AMOT: variants seen among roughly 807,000 people sequenced by gnomAD.
The protein encoded by AMOT is angiomotin.
A neutral mutation model predicts 67.0 loss-of-function variants in AMOT; 11 were observed. The observed-to-expected ratio is 0.16, with a 90% CI of 0.10 to 0.27. The LOEUF (loss-of-function observed/expected upper bound fraction) is 0.27. Among genes scored for constraint, AMOT ranks in the 10% least tolerant of loss-of-function variants. The probability of loss-of-function intolerance (pLI) is 1.00; values close to 1 mark genes in which losing one functional copy is unlikely to be tolerated. For missense variants in AMOT, 753 were observed against 852.0 expected (o/e 0.88, Z 1.45); for synonymous variants, 326 against 321.4 (o/e 1.01, Z -0.15).
intron 10 of AMOT, 138 bp from the exon 11 acceptor site, chrX:112,782,800 A>C (rs749916420): frequency 1.4e-5 from 11 of 807,537 alleles, no homozygotes; most frequent in Non-Finnish European, 1.7e-5. Flanking sequence ...GTTTCTGGGG[A>C]ACTAACCCGT....
intron 2 of AMOT, among the ~76,000 whole-genome samples, chrX:112,830,307 T>C (rs1169342810): frequency 3.6e-5 from 4 of 112,358 alleles, no homozygotes; most frequent in Non-Finnish European, 7.5e-5. Flanking sequence ...CATAACATCG[T>C]AATGGCTGCA....
intron 1 of AMOT, among the ~76,000 whole-genome samples, chrX:112,833,531 TA>T (rs11368791): frequency 3.7e-5 from 4 of 107,852 alleles, no homozygotes; most frequent in Admixed American, 1.0e-4. Flanking sequence ...GTTTGCTTTT[TA>T]AAAAAACAAT....
intron 8 of AMOT, 38 bp downstream of exon 8, chrX:112,804,909 C>T (rs41300177): frequency 8.9e-7 from 1 of 1,126,988 alleles, no homozygotes; most frequent in Non-Finnish European, 1.2e-6. Flanking sequence ...CCCAGCCCTC[C>T]CACCCCCAGG....
intron 2 of AMOT, among the ~76,000 whole-genome samples, chrX:112,831,492 AAGAG>A (rs1179972551): frequency 1.0e-5 from 1 of 98,006 alleles, no homozygotes; most frequent in Non-Finnish European, 2.2e-5. Flanking sequence ...AATAAATAAA[AAGAG>A]AGCCCAGTAC....
rs188941564 is a variant in AMOT, at chrX:112,788,099, C to A, written c.2117+2493G>T. Among the ~76,000 whole-genome samples the A allele has an allele frequency of 2.0e-3, 216 of 110,170 alleles. 3 individuals are homozygous for A. Among genetic ancestry groups the A allele is most frequent in the African/African-American group, 6.5e-3 (196 of 30,243 alleles). ...GGTCAGGAGATCAAGACCATCCTGG[C>A]TAACACAATGAAACCCTGTCTCTAC... On this transcript the variant is annotated intron_variant, in intron 10 of 13. Coordinates refer to ENST00000371959, the MANE Select transcript of AMOT (RefSeq NM_001113490.2).
intron 8 of AMOT, among the ~76,000 whole-genome samples, chrX:112,804,741 A>C (rs183001848): frequency 9.0e-6 from 1 of 111,602 alleles, no homozygotes; most frequent in African/African-American, 3.3e-5. Context: ...GTGATTTCCT[A>C]TTTTGGAGCA....
intron 8 of AMOT, among the ~76,000 whole-genome samples, chrX:112,799,247 T>C (rs1008117543): frequency 1.8e-5 from 2 of 112,142 alleles, no homozygotes; most frequent in Non-Finnish European, 3.8e-5. Flanking sequence ...GCAAGGTTCT[T>C]TGGGGATATA....
At position 112,836,522 on chromosome X, in the gene AMOT, A is replaced by G. The variant is rs755498358; in HGVS notation, c.-289+3930T>C. 3.6e-5 allele frequency among the ~76,000 whole-genome samples: 4 copies of G among 111,199 alleles called. No individual in the cohort carries two copies. In the East Asian group the frequency reaches 8.5e-4, roughly 24 times the overall value. On this transcript the variant is annotated intron_variant, in intron 1 of 13. Transcript: ENST00000371959. Reference sequence around the variant, plus strand: ...GGGTGGGCTCTTATTGAAAAGCAACATTGTATATATCTGTGGCTCCAATTA... The same window carrying G: ...GGGTGGGCTCTTATTGAAAAGCAACGTTGTATATATCTGTGGCTCCAATTA...
chrX:112,822,761 T>C lies in AMOT; in HGVS notation c.366A>G (p.Gln122=). 7 of 1,167,421 alleles carry C rather than the reference T, an allele frequency of 6.0e-6. No individual in the cohort carries two copies. Among genetic ancestry groups the C allele is most frequent in the Non-Finnish European group, 8.0e-6 (7 of 873,052 alleles). ...AKVQSQYFRG[Q]QHASVGAAFY... Reference sequence around the variant, plus strand: ...AGGCAGCTCCAACACTGGCATGCTGTTGGCCCCGAAAGTACTGGGACTGGA... The same window carrying C: ...AGGCAGCTCCAACACTGGCATGCTGCTGGCCCCGAAAGTACTGGGACTGGA... Residue 122 remains glutamine, a synonymous_variant, in exon 4 of 14, where the codon CAA becomes CAG. Transcript: ENST00000371959.
intron 4 of AMOT, chrX:112,819,205 T>G (rs906483163): frequency 1.1e-4 from 27 of 242,924 alleles, no homozygotes; most frequent in Non-Finnish European, 1.4e-4. Flanking sequence ...CACACACACA[T>G]GCACACATGT....
At chrX:112,784,537 C>T (rs1419557734) in intron 10 of AMOT, among the ~76,000 whole-genome samples, 1 of 112,032 alleles carries the variant, frequency 8.9e-6, no homozygotes, top group African/African-American at 3.2e-5. Flanking sequence ...CAGTCAGTTA[C>T]GACTGTGTCA....
rs1312355992 is a variant in AMOT, at chrX:112,779,193, A to C, written c.2961T>G (p.Val987=). 2.6e-6 allele frequency: 2 copies of C among 778,679 alleles called. No individual in the cohort carries two copies. Among genetic ancestry groups the C allele is most frequent in the Non-Finnish European group, 4.0e-6 (2 of 500,221 alleles). 64.2% of individuals were successfully genotyped at this position (778,679 alleles called of 1,213,427 possible). A position where few individuals can be genotyped will look rare whatever the true frequency, so the allele number is the denominator to read the frequency against. ...APVPAPALVP[V]PAPAAAQASA... ...AAGCCTGAGCCGCTGCTGGAGCTGG[A>C]ACCGGAACCAGAGCCGGAGCTGGAA... Residue 987 remains valine, a synonymous_variant, in exon 13 of 14, where the codon GTT becomes GTG. Transcript: ENST00000371959.
intron 8 of AMOT, among the ~76,000 whole-genome samples, chrX:112,802,196 C>T (rs1414721401): frequency 8.9e-6 from 1 of 112,163 alleles, no homozygotes; most frequent in African/African-American, 3.2e-5. Context: ...TACCTGTTTA[C>T]CTCAAATACC....
At position 112,815,631 on chromosome X, in the gene AMOT, G is replaced by A. The variant is rs775359169; in HGVS notation, c.1119C>T (p.Gly373=). ...GCTGTTGCTGCTGCTGCTGACTCAGGCCAGGTTGGGAGAGACGGTAATGAT... is the reference window on the plus strand; with the variant it reads ...GCTGTTGCTGCTGCTGCTGACTCAGACCAGGTTGGGAGAGACGGTAATGAT... The part of the protein sequence containing the change: ...QGDHYRLSQP[G]LSQQQQQQQQ... The change falls in exon 5 of 14, where the codon GGC becomes GGT. Residue 373 remains glycine (G), a synonymous_variant. Transcript: ENST00000371959. 5 of 1,197,339 alleles carry A rather than the reference G, an allele frequency of 4.2e-6. No individual in the cohort carries two copies. The African/African-American group carries it at 7.1e-5, about 17-fold the overall frequency.
At chrX:112,796,368 C>T (rs1338586354) in intron 8 of AMOT, among the ~76,000 whole-genome samples, 1 of 111,884 alleles carries the variant, frequency 8.9e-6, no homozygotes, top group Non-Finnish European at 1.9e-5. Flanking sequence ...GATAGTGGTT[C>T]GAGTGTTTGT....
chrX:112,776,595 T>G lies in AMOT; in HGVS notation c.*1972A>C, dbSNP rs1009554541. ...CAGGCACACACACAAAATAATTCCT[T>G]TGGAAGATAATTAGGAAGGATACCA... On this transcript the variant is annotated 3_prime_UTR_variant, in exon 14 of 14. Transcript: ENST00000371959. The G allele has an allele frequency of 9.0e-6, 1 of 111,584 alleles. No individual in the cohort carries two copies. The highest frequency in any genetic ancestry group is 1.9e-5 in the Non-Finnish European group (1 of 53,021). 9.2% of individuals were successfully genotyped at this position (111,584 alleles called of 1,213,427 possible).
At position 112,815,721 on chromosome X, in the gene AMOT, T is replaced by C. The variant is rs1038822219; in HGVS notation, c.1029A>G (p.Gly343=). Residue 343 remains glycine, a synonymous_variant, in exon 5 of 14, where the codon GGA becomes GGG. Transcript: ENST00000371959. ...PARHPLVPNQ[G]DHSAHLPRPQ... is the part of the protein sequence containing the mutation. The stretch of plus-strand genomic sequence containing the variant: ...GCCTAGGCAGGTGAGCTGAATGGTC[T>C]CCCTGGTTTGGGACCAAGGGGTGTC... 1.7e-6 allele frequency: 2 copies of C among 1,167,943 alleles called. No individual in the cohort carries two copies. Among genetic ancestry groups the C allele is most frequent in the African/African-American group, 3.6e-5 (2 of 56,145 alleles).
chrX:112,815,512 G>A lies in AMOT; in HGVS notation c.1238C>T (p.Ala413Val), dbSNP rs1408727824. 9 of 1,211,624 alleles carry A rather than the reference G, an allele frequency of 7.4e-6. No individual in the cohort carries two copies. The highest frequency in any genetic ancestry group is 1.7e-5 in the African/African-American group (1 of 57,724). The change falls in exon 5 of 14, where the codon GCT becomes GTT. Residue 413 changes from alanine (A) to valine (V), a missense_variant. This residue lies in a region of AMOT where 297 missense variants were observed against 284.3 expected (regional missense o/e 1.04). Coordinates refer to ENST00000371959, the MANE Select transcript of AMOT (RefSeq NM_001113490.2). ...CTGATAAGAAGCAGAGGATGGCTGA[G>A]CCCGAGGCATAGCTGAATAGGCTTC... ...PGEAYSAMPR[A>V]QPSSASYQPV...
intron 8 of AMOT, among the ~76,000 whole-genome samples, chrX:112,799,359 C>T (rs1933938753): frequency 8.9e-6 from 1 of 111,976 alleles, no homozygotes; most frequent in Admixed American, 9.5e-5. Flanking sequence ...TGGATGACCA[C>T]CAACATATAC....
Sources: allele counts gnomAD v4.1 joint callset (sites outside exome capture counted in the v4.1 genomes callset), GRCh38; gene constraint gnomAD v4.1.1; regional missense constraint gnomAD v4.1.1; transcripts MANE v1.5; gene names NCBI Gene and HGNC (gene_info 2026-07-23, HGNC 2026-07-21).